The following RFC3 variants were observed in gnomAD, a reference collection of about 807,000 sequenced individuals.
RFC3 encodes replication factor C subunit 3.
A neutral mutation model predicts 45.1 loss-of-function variants in RFC3; 41 were observed. The observed-to-expected ratio is 0.91, with a 90% confidence interval of 0.71 to 1.18. The LOEUF (loss-of-function observed/expected upper bound fraction) is 1.18, where lower values mean the gene tolerates loss of function less well. RFC3 is among the 50% of genes most tolerant of loss of function. The pLI is 0.00. For synonymous variants in RFC3, 149 were observed against 144.0 expected (o/e 1.03, Z -0.25); for missense variants, 423 against 428.1 (o/e 0.99, Z 0.10).
intron 8 of RFC3, among the ~76,000 whole-genome samples, chr13:33,933,958 GCAGA>G (rs1261552243): frequency 2.0e-5 from 3 of 151,882 alleles, no homozygotes; most frequent in Non-Finnish European, 4.4e-5. Context: ...GGCGAGACTG[GCAGA>G]CAGAGACTGC....
At chr13:33,867,249 T>A (rs2082379433) in intron 8 of RFC3, among the ~76,000 whole-genome samples, 1 of 152,198 alleles carries the variant, frequency 6.6e-6, no homozygotes, top group Non-Finnish European at 1.5e-5. Flanking sequence ...AACTGTCAAC[T>A]GAAACACAGT....
chr13:33,901,244 T>C (rs2082639956), intron 8 of RFC3, among the ~76,000 whole-genome samples: 1 of 152,104 alleles, frequency 6.6e-6, no homozygotes, highest in Non-Finnish European at 1.5e-5. Flanking sequence ...TGCATTCTCA[T>C]GTTTATTGCA....
chr13:33,899,204 C>CAAAAAAAAA (rs59221382), intron 8 of RFC3, among the ~76,000 whole-genome samples: 1,799 of 52,026 alleles, frequency 0.035, 8 homozygotes, highest in Middle Eastern at 0.094. Context: ...CACAATAAGA[C>CAAAAAAAAA]AAAAAAAAAA....
chr13:33,956,566 A>G (rs1055637658), intron 8 of RFC3, among the ~76,000 whole-genome samples: 3 of 152,324 alleles, frequency 2.0e-5, no homozygotes, highest in Admixed American at 6.5e-5. Context: ...AAGTATTTCC[A>G]TATGCCCAAA....
Position 33,836,595 on chromosome 13 carries a change from C to T in RFC3, c.*300C>T. On this transcript the variant is annotated 3_prime_UTR_variant, in exon 9 of 9. Transcript: ENST00000380071. Reference sequence around the variant, plus strand: ...ATCCTCCTATTCTCTTCCGTCTAATCTCTCACCTGCTAAAGGAGATTTACA... The same window carrying T: ...ATCCTCCTATTCTCTTCCGTCTAATTTCTCACCTGCTAAAGGAGATTTACA... 9.6e-7 allele frequency: 1 copy of T among 1,046,118 alleles called. No individual in the cohort carries two copies. Among genetic ancestry groups the T allele is most frequent in the Non-Finnish European group, 1.2e-6 (1 of 867,992 alleles). The allele number at this position is 1,046,118 out of a possible 1,614,324, so 64.8% of individuals were successfully genotyped here.
intron 8 of RFC3, among the ~76,000 whole-genome samples, chr13:33,964,813 A>C (rs554918287): frequency 4.6e-5 from 7 of 152,352 alleles, no homozygotes; most frequent in African/African-American, 1.7e-4. Context: ...ATTTGCAAAT[A>C]TAACTAAGTT....
chr13:33,892,101 A>G (rs896993253), intron 8 of RFC3, among the ~76,000 whole-genome samples: 5 of 151,954 alleles, frequency 3.3e-5, no homozygotes, highest in South Asian at 4.1e-4. Flanking sequence ...TAAAAATCCA[A>G]TAACTCCATC....
chr13:33,849,441 C>G (rs748356900), intron 8 of RFC3: 2 of 152,196 alleles, frequency 1.3e-5, no homozygotes, highest in Non-Finnish European at 2.9e-5. Flanking sequence ...AACACTCTCA[C>G]CATGGCCAAT....
At chr13:33,851,149 G>A (rs1484656687) in intron 8 of RFC3, among the ~76,000 whole-genome samples, 1 of 152,140 alleles carries the variant, frequency 6.6e-6, no homozygotes, top group African/African-American at 2.4e-5. Flanking sequence ...TAAAGCGTCT[G>A]CTGTAGTTAC....
intron 8 of RFC3, among the ~76,000 whole-genome samples, chr13:33,905,790 T>C (rs527276943): frequency 8.2e-4 from 125 of 151,988 alleles, no homozygotes; most frequent in South Asian, 1.7e-3. Flanking sequence ...TTTCAAAAAA[T>C]AAAAAATAAA....
At chr13:33,834,992 T>C (rs2082139904) in intron 7 of RFC3, among the ~76,000 whole-genome samples, 156 bp from the exon 8 acceptor site, 1 of 152,208 alleles carries the variant, frequency 6.6e-6, no homozygotes, top group African/African-American at 2.4e-5. Context: ...TATTATTTCT[T>C]ACTGGATTGT....
chr13:33,842,255 C>T (rs2082204775), downstream of RFC3, among the ~76,000 whole-genome samples: 1 of 151,598 alleles, frequency 6.6e-6, no homozygotes, highest in African/African-American at 2.4e-5. Context: ...GCCACTGCAC[C>T]CCAGCTTGGG....
chr13:33,965,444 A>G (rs1233813547), intron 8 of RFC3, among the ~76,000 whole-genome samples: 1 of 152,210 alleles, frequency 6.6e-6, no homozygotes, highest in Non-Finnish European at 1.5e-5. Context: ...TAAATAGTAC[A>G]GGTGTGTAGT....
chr13:33,857,518 T>A (rs1200180392), intron 8 of RFC3, among the ~76,000 whole-genome samples: 1 of 152,238 alleles, frequency 6.6e-6, no homozygotes, highest in African/African-American at 2.4e-5. Context: ...CATCTCTGGC[T>A]GACCATAGGC....
intron 8 of RFC3, among the ~76,000 whole-genome samples, chr13:33,944,645 G>C (rs1037055053): frequency 3.3e-5 from 5 of 151,992 alleles, no homozygotes; most frequent in Non-Finnish European, 5.9e-5. Flanking sequence ...CCAGTAATCA[G>C]CCATTTAAAA....
intron 1 of RFC3, among the ~76,000 whole-genome samples, chr13:33,820,836 C>T (rs2081994993): frequency 1.3e-5 from 2 of 151,336 alleles, no homozygotes; most frequent in South Asian, 2.1e-4. Flanking sequence ...AGTTTTGTAT[C>T]TTGCATGTGC....
At chr13:33,965,978 C>T (rs2083085710) in intron 8 of RFC3, 1 of 771,602 alleles carries the variant, frequency 1.3e-6, no homozygotes, top group African/African-American at 1.7e-5. Flanking sequence ...TGCTCCTGAG[C>T]CTTAAATTAC....
At chr13:33,923,231 A>G (rs1451267925) in intron 8 of RFC3, among the ~76,000 whole-genome samples, 2 of 151,964 alleles carry the variant, frequency 1.3e-5, no homozygotes, top group Admixed American at 6.6e-5. Flanking sequence ...AGGAGAGGAG[A>G]TGAGAGAGAC....
chr13:33,828,791 G>A (rs2082075270), intron 4 of RFC3, among the ~76,000 whole-genome samples: 1 of 152,202 alleles, frequency 6.6e-6, no homozygotes, highest in Non-Finnish European at 1.5e-5. Flanking sequence ...CTCCCAAAAT[G>A]TTGGGATTAC....
Sources: gnomAD v4.1 joint callset for allele counts (sites outside exome capture counted in the v4.1 genomes callset) on GRCh38, gnomAD v4.1.1 for gene constraint, MANE v1.5 for transcripts, NCBI Gene and HGNC (gene_info 2026-07-23, HGNC 2026-07-21) for gene names.